GBF1: variants seen among roughly 807,000 people sequenced by gnomAD.
GBF1 encodes golgi brefeldin A resistant guanine nucleotide exchange factor 1.
In GBF1, 114 loss-of-function variants were observed where a neutral mutation model predicts 210.5. That is an observed-to-expected ratio of 0.54 (90% CI 0.47 to 0.63). The LOEUF is 0.63. Among genes scored for constraint, GBF1 ranks in the 30% least tolerant of loss-of-function variants. GBF1 has a pLI of 0.00. For missense variants in GBF1, 1,851 were observed against 2,357.7 expected, an observed-to-expected ratio of 0.79 and a Z score of 4.45; for synonymous variants, 850 against 889.2, an observed-to-expected ratio of 0.96 and a Z score of 0.78.
At position 102,382,489 on chromosome 10, in the gene GBF1, C is replaced by A. The variant is rs1268219286; in HGVS notation, c.*153C>A. On this transcript the variant is annotated 3_prime_UTR_variant, in exon 40 of 40. Transcript: ENST00000369983. ...GACCTGAAAAAGAGAATGTTGATAGCCCCAGCTAAGACCCCCAATCAGCTG... is the reference window on the plus strand; with the variant it reads ...GACCTGAAAAAGAGAATGTTGATAGACCCAGCTAAGACCCCCAATCAGCTG... 1.2e-5 allele frequency: 8 copies of A among 640,528 alleles called. No individual in the cohort carries two copies. The East Asian group carries it at 2.3e-4, about 19-fold the overall frequency. 39.7% of individuals were successfully genotyped at this position (640,528 alleles called of 1,614,324 possible). A position where few individuals can be genotyped will look rare whatever the true frequency, so the allele number is the denominator to read the frequency against.
chr10:102,330,200 A>G (rs924749169), intron 3 of GBF1, among the ~76,000 whole-genome samples: 5 of 152,136 alleles, frequency 3.3e-5, no homozygotes, highest in African/African-American at 9.7e-5. Flanking sequence ...AGAGTATAAT[A>G]CAGTGGCTTT....
At chr10:102,254,350 A>G (rs1209887220) in intron 1 of GBF1, among the ~76,000 whole-genome samples, 1 of 152,220 alleles carries the variant, frequency 6.6e-6, no homozygotes, top group Non-Finnish European at 1.5e-5. Context: ...CCTGGGCAAC[A>G]TGGCAAGACC....
chr10:102,340,849 A>AT (rs1448207731), intron 3 of GBF1, among the ~76,000 whole-genome samples: 2 of 152,224 alleles, frequency 1.3e-5, no homozygotes, highest in Non-Finnish European at 2.9e-5. Flanking sequence ...AAAAACATAA[A>AT]TCTGTAAACA....
In GBF1 at chr10:102,369,230, G is replaced by A; in HGVS notation, c.2993G>A (p.Ser998Asn). The A allele has an allele frequency of 6.2e-7, 1 of 1,613,420 alleles. No individual in the cohort carries two copies. The highest frequency in any genetic ancestry group is 8.5e-7 in the Non-Finnish European group (1 of 1,179,334). ...TTCCAGTCTATTGAGAACCTGCCCAGTGTATTTGGAAGCAACCCTAAAGCC... is the reference window on the plus strand; with the variant it reads ...TTCCAGTCTATTGAGAACCTGCCCAATGTATTTGGAAGCAACCCTAAAGCC... ...LSSESIENLP[S>N]VFGSNPKAHI... Residue 998 changes from serine (S) to asparagine (N), a missense_variant, in exon 24 of 40, where the codon AGT (serine) becomes AAT (asparagine). This residue lies in a region of GBF1 where 967 missense variants were observed against 1,247.7 expected (regional missense o/e 0.78). Transcript: ENST00000369983.
At chr10:102,237,468 G>A in the GBF1 span, among the ~76,000 whole-genome samples, 69 of 152,250 alleles carry the variant, frequency 4.5e-4, no homozygotes, top group South Asian at 2.3e-3. Flanking sequence ...TCAAACCGAG[G>A]GGGCCTCCAA....
rs148213142 is a variant in GBF1 at position 102,382,150 on chromosome 10, C to A, written c.5397C>A (p.Asp1799Glu). The A allele has an allele frequency of 1.7e-5, 27 of 1,612,296 alleles. No individual in the cohort carries two copies. Among genetic ancestry groups the A allele is most frequent in the Non-Finnish European group, 2.2e-5 (26 of 1,178,754 alleles). Residue 1799 changes from aspartate (D) to glutamate (E), a missense_variant, in exon 40 of 40, where the codon GAC becomes GAA. Transcript: ENST00000369983. ...SSPSRLSPTP[D>E]GPPPLAQPPL... is the part of the protein sequence containing the mutation. Reference sequence around the variant, plus strand: ...CCAGCAGGCTGAGCCCCACCCCCGACGGGCCTCCACCCTTGGCTCAGCCCC... The same window carrying A: ...CCAGCAGGCTGAGCCCCACCCCCGAAGGGCCTCCACCCTTGGCTCAGCCCC...
upstream of GBF1, among the ~76,000 whole-genome samples, chr10:102,242,240 C>T (rs780627717): frequency 1.4e-4 from 22 of 152,220 alleles, no homozygotes; most frequent in Non-Finnish European, 3.2e-4. Context: ...TATTCCAACG[C>T]TGCCACGAAC....
chr10:102,299,472 T>A (rs553203050), intron 3 of GBF1, among the ~76,000 whole-genome samples: 135 of 152,282 alleles, frequency 8.9e-4, no homozygotes, highest in African/African-American at 3.0e-3. Context: ...TACTATACAT[T>A]AATTTGTTAA....
intron 3 of GBF1, among the ~76,000 whole-genome samples, chr10:102,293,102 G>A (rs78814777): frequency 0.026 from 3,969 of 152,058 alleles, 171 homozygotes; most frequent in African/African-American, 0.091. Flanking sequence ...AAAATATACT[G>A]CAGTGTCTCT....
intron 3 of GBF1, among the ~76,000 whole-genome samples, chr10:102,289,330 G>A (rs2076247817): frequency 6.6e-6 from 1 of 152,130 alleles, no homozygotes; most frequent in Non-Finnish European, 1.5e-5. Flanking sequence ...AAATCCTTGT[G>A]AGAATATACT....
chr10:102,298,030 T>G (rs2479547), intron 3 of GBF1, among the ~76,000 whole-genome samples: 151,423 of 152,006 alleles, frequency 1, 75,429 homozygotes, highest in Middle Eastern at 1. Context: ...CGCCTCCTGG[T>G]TTCAAGTGAT....
At chr10:102,244,443 C>G (rs1209124157), upstream of GBF1, among the ~76,000 whole-genome samples, 2 of 152,244 alleles carry the variant, frequency 1.3e-5, no homozygotes, top group African/African-American at 4.8e-5. Context: ...CTCACGCATT[C>G]TCACTTCCAG....
In GBF1 at chr10:102,381,143, G is replaced by A; in HGVS notation, c.5190G>A (p.Glu1730=). The change falls in exon 39 of 40, where the codon GAG becomes GAA. Residue 1730 remains glutamate, a synonymous_variant. Transcript: ENST00000369983. ...QTVIQDPMPM[E]PQGQKPLASA... ...CGTCTCCAGACCCCATGCCCATGGA[G>A]CCTCAAGGCCAAAAGCCTCTCGCCT... 7 of 1,613,972 alleles carry A rather than the reference G, an allele frequency of 4.3e-6. No individual in the cohort carries two copies. Among genetic ancestry groups the A allele is most frequent in the Non-Finnish European group, 5.9e-6 (7 of 1,179,946 alleles).
intron 3 of GBF1, among the ~76,000 whole-genome samples, chr10:102,295,962 A>T (rs2076872856): frequency 6.6e-6 from 1 of 152,186 alleles, no homozygotes; most frequent in Admixed American, 6.5e-5. Context: ...TTATATCTTA[A>T]GTAGCGGACA....
chr10:102,232,221 T>G, the GBF1 span: 4 of 653,344 alleles, frequency 6.1e-6, no homozygotes, highest in Admixed American at 9.0e-5. Context: ...TGGGGCTGCG[T>G]GGGGCTCCTT....
intron 1 of GBF1, among the ~76,000 whole-genome samples, chr10:102,253,499 A>AT (rs1017759831): frequency 1.3e-4 from 20 of 152,044 alleles, no homozygotes; most frequent in African/African-American, 4.8e-4. Context: ...CTTGGTCTGC[A>AT]TTTTTTACCA....
chr10:102,325,250 A>G (rs1413044028), intron 3 of GBF1, among the ~76,000 whole-genome samples: 1 of 152,172 alleles, frequency 6.6e-6, no homozygotes, highest in Admixed American at 6.6e-5. Flanking sequence ...ACAAGTCTCT[A>G]TACGAATGCT....
In GBF1 at chr10:102,381,160, C is replaced by T. The variant is rs2060821252; in HGVS notation, c.5207C>T (p.Pro1736Leu). Residue 1736 changes from proline to leucine, a missense_variant, in exon 39 of 40, where the codon CCT becomes CTT. Around this residue, in one of 3 missense-constraint regions of GBF1, gnomAD observed 967 missense variants for 1,247.7 expected, o/e 0.78. Transcript: ENST00000369983. ...CCCATGGAGCCTCAAGGCCAAAAGC[C>T]TCTCGCCTCAGCCCACCTGACTTCC... Reference protein sequence around the residue: ...PMPMEPQGQKPLASAHLTSAA... With the variant: ...PMPMEPQGQKLLASAHLTSAA... 1 of 1,613,840 alleles carries T rather than the reference C, an allele frequency of 6.2e-7. No individual in the cohort carries two copies. The highest frequency in any genetic ancestry group is 1.3e-5 in the African/African-American group (1 of 74,930).
rs1377154228 is a variant in GBF1 at position 102,380,362 on chromosome 10, G to GGTAT, written c.4992+3_4992+6dup. On this transcript the variant is annotated frameshift_variant and splice_region_variant. Coordinates refer to ENST00000369983, the MANE Select transcript of GBF1 (RefSeq NM_001377137.1). LOFTEE classifies it high-confidence loss of function. ...TGCACGCAGGCTCCAGCGACTTACTGGTATGTTCTACCTCAGCTCTGCTGC... is the reference window on the plus strand; with the variant it reads ...TGCACGCAGGCTCCAGCGACTTACTGGTATGTATGTTCTACCTCAGCTCTGCTGC... 6.2e-7 allele frequency: 1 copy of GGTAT among 1,608,146 alleles called. No individual in the cohort carries two copies. The highest frequency in any genetic ancestry group is 2.2e-5 in the East Asian group (1 of 44,848).
Sources: allele counts gnomAD v4.1 joint callset (sites outside exome capture counted in the v4.1 genomes callset), GRCh38; gene constraint gnomAD v4.1.1; regional missense constraint gnomAD v4.1.1; transcripts MANE v1.5; gene names NCBI Gene and HGNC (gene_info 2026-07-23, HGNC 2026-07-21).